The following SRD5A2 variants were observed in gnomAD, a reference collection of about 807,000 sequenced individuals.
SRD5A2 encodes steroid 5 alpha-reductase 2, also known as 3-oxo-5-alpha-steroid 4-dehydrogenase 2.
SRD5A2 carries 30 observed loss-of-function variants against 27.4 expected under a neutral mutation model. That is an observed-to-expected ratio of 1.10 (90% confidence interval 0.82 to 1.49). The LOEUF is 1.49. Ranked by LOEUF, SRD5A2 falls within the 40% of genes most tolerant of loss-of-function variation. The pLI is 0.00. For missense variants in SRD5A2, 348 were observed against 323.4 expected (o/e 1.08, Z -0.58); for synonymous variants, 141 against 133.6 (o/e 1.06, Z -0.38).
At chr2:31,649,925 T>C in the SRD5A2 span, among the ~76,000 whole-genome samples, 2 of 152,128 alleles carry the variant, frequency 1.3e-5, no homozygotes, top group Non-Finnish European at 2.9e-5. Flanking sequence ...TGACAAAATG[T>C]ATTTTGTCAT....
At chr2:31,624,563 T>G in the SRD5A2 span, among the ~76,000 whole-genome samples, 3 of 152,040 alleles carry the variant, frequency 2.0e-5, no homozygotes, top group African/African-American at 7.2e-5. Flanking sequence ...TGTGTCTAAG[T>G]GTTCTCATTG....
the SRD5A2 span, among the ~76,000 whole-genome samples, chr2:31,630,725 A>G: frequency 6.6e-6 from 1 of 152,224 alleles, no homozygotes; most frequent in African/African-American, 2.4e-5. Context: ...TAGCTTACTA[A>G]CTCAAAAATC....
chr2:31,544,777 T>A lies in SRD5A2; in HGVS notation c.282-11011A>T, dbSNP rs1262832309. 2.6e-5 allele frequency among the ~76,000 whole-genome samples: 4 copies of A among 151,650 alleles called. No homozygotes were observed. The East Asian group carries it at 7.7e-4, about 29-fold the overall frequency. On this transcript the variant is annotated intron_variant, in intron 1 of 4. Transcript: ENST00000622030. ...AAACCAAATGCTCCTTCTTTAAAAA[T>A]TTTTTTTAAAAATGACAATTCTACA...
chr2:31,571,138 T>C (rs556962698), intron 1 of SRD5A2, among the ~76,000 whole-genome samples: 3 of 152,176 alleles, frequency 2.0e-5, no homozygotes, highest in African/African-American at 7.2e-5. Context: ...AAGGCTACAG[T>C]AACCAAAACA....
At chr2:31,589,296 C>T in the SRD5A2 span, among the ~76,000 whole-genome samples, 1 of 152,212 alleles carries the variant, frequency 6.6e-6, no homozygotes, top group Non-Finnish European at 1.5e-5. Flanking sequence ...CATCCACCAC[C>T]TCATCCAGTG....
rs550866120 is a variant in SRD5A2, at chr2:31,580,705, C to T, written c.196G>A (p.Gly66Arg). The change falls in exon 1 of 5, where the codon GGG becomes AGG. Residue 66 changes from glycine (G) to arginine (R), a missense_variant. By Grantham distance (125) the Gly-to-Arg change is moderately radical. Coordinates refer to ENST00000622030, the MANE Select transcript of SRD5A2 (RefSeq NM_000348.4). The stretch of plus-strand genomic sequence containing the variant: ...GAGAGGGGCTGCCGGGCGAGGATCC[C>T]CGCGGGCACCGCGAAGGAAGGCAGC... Reference protein sequence around the residue: ...QELPSFAVPAGILARQPLSLF... With the variant: ...QELPSFAVPARILARQPLSLF... The T allele has an allele frequency of 4.8e-5, 77 of 1,604,068 alleles. 1 individual carries two copies. The East Asian group carries it at 1.6e-3, about 34-fold the overall frequency.
the SRD5A2 span, among the ~76,000 whole-genome samples, chr2:31,622,288 C>A: frequency 1.3e-5 from 2 of 152,134 alleles, no homozygotes; most frequent in Non-Finnish European, 2.9e-5. Flanking sequence ...TGTCCCTACA[C>A]AGGACCTGAT....
chr2:31,566,114 T>C (rs928586289), intron 1 of SRD5A2, among the ~76,000 whole-genome samples: 4 of 151,984 alleles, frequency 2.6e-5, no homozygotes, highest in East Asian at 1.9e-4. Flanking sequence ...AAATAACCCA[T>C]AGATATGAGA....
the SRD5A2 span, among the ~76,000 whole-genome samples, chr2:31,656,007 T>C: frequency 0.017 from 2,590 of 152,220 alleles, 41 homozygotes; most frequent in South Asian, 0.05. Flanking sequence ...GATGCACATA[T>C]AGACAGAGGT....
chr2:31,571,390 A>G (rs533169628), intron 1 of SRD5A2, among the ~76,000 whole-genome samples: 10 of 152,324 alleles, frequency 6.6e-5, no homozygotes, highest in Non-Finnish European at 1.0e-4. Context: ...TAAAGACTTA[A>G]ATGCAAAACC....
the SRD5A2 span, among the ~76,000 whole-genome samples, chr2:31,626,781 C>T: frequency 1.5e-4 from 23 of 152,212 alleles, no homozygotes; most frequent in Admixed American, 1.2e-3. Context: ...AGGATTTTTG[C>T]GTCAATGTTC....
intron 1 of SRD5A2, among the ~76,000 whole-genome samples, chr2:31,561,221 G>A (rs894121666): frequency 6.6e-6 from 1 of 152,052 alleles, no homozygotes; most frequent in African/African-American, 2.4e-5. Flanking sequence ...GGAAACACAC[G>A]GCCTCCAGTA....
At chr2:31,583,640 C>CAA (rs1246469141), upstream of SRD5A2, among the ~76,000 whole-genome samples, 3 of 18,406 alleles carry the variant, frequency 1.6e-4, no homozygotes, top group African/African-American at 1.8e-4. Context: ...AAAAAAAAAG[C>CAA]AAAAAAAAAA....
the SRD5A2 span, among the ~76,000 whole-genome samples, chr2:31,609,981 A>G: frequency 2.0e-5 from 3 of 152,164 alleles, no homozygotes; most frequent in Admixed American, 6.6e-5. Context: ...GAAGAAATAG[A>G]AATCTAAACG....
At chr2:31,575,531 G>A (rs1666940512) in intron 1 of SRD5A2, among the ~76,000 whole-genome samples, 1 of 152,220 alleles carries the variant, frequency 6.6e-6, no homozygotes, top group Admixed American at 6.5e-5. Flanking sequence ...AGGCTTCTTG[G>A]AGGAAAGGAT....
the SRD5A2 span, among the ~76,000 whole-genome samples, chr2:31,646,012 C>T: frequency 6.6e-6 from 1 of 152,148 alleles, no homozygotes; most frequent in Non-Finnish European, 1.5e-5. Context: ...ACTGAAATCA[C>T]TTGCAACTTT....
intron 1 of SRD5A2, among the ~76,000 whole-genome samples, chr2:31,572,207 A>C (rs894797740): frequency 6.6e-6 from 1 of 152,210 alleles, no homozygotes; most frequent in Non-Finnish European, 1.5e-5. Flanking sequence ...ACTAACATAG[A>C]AACTGAAAAC....
At chr2:31,529,911 G>A (rs534897514) in intron 3 of SRD5A2, among the ~76,000 whole-genome samples, 3 of 152,126 alleles carry the variant, frequency 2.0e-5, no homozygotes, top group Non-Finnish European at 2.9e-5. Flanking sequence ...CTGAACTCAC[G>A]GGAGAAGGAA....
intron 1 of SRD5A2, among the ~76,000 whole-genome samples, chr2:31,574,054 C>A (rs1329463880): frequency 6.6e-6 from 1 of 152,234 alleles, no homozygotes; most frequent in Non-Finnish European, 1.5e-5. Flanking sequence ...CATAGACAGG[C>A]ACTAGGGCCC....
Sources: gnomAD v4.1 joint callset for allele counts (sites outside exome capture counted in the v4.1 genomes callset) on GRCh38, gnomAD v4.1.1 for gene constraint, MANE v1.5 for transcripts, NCBI Gene and HGNC (gene_info 2026-07-23, HGNC 2026-07-21) for gene names.